Variants in GPC5 observed in about 807,000 individuals in gnomAD.
GPC5 encodes the protein glypican 5.
In GPC5, 47 loss-of-function variants were observed where a neutral mutation model predicts 53.9. The ratio of observed to expected loss-of-function variants is 0.87; its 90% CI spans 0.69 to 1.11. The LOEUF (loss-of-function observed/expected upper bound fraction) is 1.11. Among genes scored for constraint, GPC5 ranks in the 50% most tolerant of loss-of-function variants. The probability of loss-of-function intolerance (pLI) is 0.00; values close to 1 mark genes in which losing one functional copy is unlikely to be tolerated. For synonymous variants in GPC5, 286 were observed against 263.3 expected, an observed-to-expected ratio of 1.09 and a Z score of -0.84; for missense variants, 748 against 713.1, an observed-to-expected ratio of 1.05 and a Z score of -0.56.
At chr13:92,475,852 G>A (rs577548923) in intron 7 of GPC5, among the ~76,000 whole-genome samples, 1 of 148,558 alleles carries the variant, frequency 6.7e-6, no homozygotes, top group African/African-American at 2.4e-5. Flanking sequence ...GTAGAAAGCT[G>A]AAACTGGATC....
chr13:91,489,869 G>T (rs1255993826), intron 2 of GPC5, among the ~76,000 whole-genome samples: 1 of 152,130 alleles, frequency 6.6e-6, no homozygotes, highest in East Asian at 1.9e-4. Context: ...AAGCAAATTA[G>T]AAGCATAGAT....
At chr13:92,188,142 G>A (rs1288416254) in intron 7 of GPC5, among the ~76,000 whole-genome samples, 1 of 151,910 alleles carries the variant, frequency 6.6e-6, no homozygotes, top group Non-Finnish European at 1.5e-5. Context: ...AGAGAACAGG[G>A]CTCTTTAAAA....
At chr13:92,750,450 G>GA (rs922920703) in intron 7 of GPC5, among the ~76,000 whole-genome samples, 5 of 150,562 alleles carry the variant, frequency 3.3e-5, no homozygotes, top group East Asian at 1.9e-4. Context: ...AAGAGGAAAA[G>GA]AAAAAAAATG....
chr13:92,597,440 T>C lies in GPC5; in HGVS notation c.1562-268842T>C, dbSNP rs140369226. 3.7e-3 allele frequency among the ~76,000 whole-genome samples: 557 copies of C among 152,176 alleles called. 23 individuals are homozygous for C. Among genetic ancestry groups the C allele is most frequent in the Admixed American group, 0.035 (532 of 15,290 alleles). ...CCTTCGAAGAGACTGTAAAATTGCA[T>C]TTAAGTCTGACATCCTCCCAGCTAA... On this transcript the variant is annotated intron_variant, in intron 7 of 7. Transcript: ENST00000377067.
At chr13:91,842,320 T>G (rs2038796475) in intron 5 of GPC5, among the ~76,000 whole-genome samples, 1 of 151,288 alleles carries the variant, frequency 6.6e-6, no homozygotes, top group Non-Finnish European at 1.5e-5. Context: ...TGTCCTTAAA[T>G]GCTTAAAAAT....
intron 7 of GPC5, among the ~76,000 whole-genome samples, chr13:92,455,485 A>G (rs976642804): frequency 6.6e-6 from 1 of 152,186 alleles, no homozygotes; most frequent in African/African-American, 2.4e-5. Flanking sequence ...TGTGTTTTGT[A>G]AACAACTCTG....
chr13:92,587,816 G>A (rs1883585716), intron 7 of GPC5, among the ~76,000 whole-genome samples: 1 of 152,026 alleles, frequency 6.6e-6, no homozygotes, highest in Non-Finnish European at 1.5e-5. Context: ...ACCCTCCAGA[G>A]TGGTGTTACA....
chr13:91,791,256 T>C (rs1447856484), intron 5 of GPC5, among the ~76,000 whole-genome samples: 1 of 152,138 alleles, frequency 6.6e-6, no homozygotes, highest in Admixed American at 6.6e-5. Context: ...TGGGCTCATA[T>C]TGGGTGGTGC....
chr13:92,299,407 T>A lies in GPC5; in HGVS notation c.1561+154418T>A, dbSNP rs1368285779. Among the ~76,000 whole-genome samples the A allele has an allele frequency of 3.3e-5, 5 of 152,194 alleles. No homozygotes were observed. In the East Asian group the frequency reaches 9.6e-4, roughly 29 times the overall value. On this transcript the variant is annotated intron_variant, in intron 7 of 7. Coordinates refer to ENST00000377067, the MANE Select transcript of GPC5 (RefSeq NM_004466.6). ...GAAAGGTGAAACACTAGGGTCGTTA[T>A]CCAGACCTCCAAAAGAGAAGTGACT...
At chr13:92,566,938 A>C (rs549581030) in intron 7 of GPC5, among the ~76,000 whole-genome samples, 25 of 152,272 alleles carry the variant, frequency 1.6e-4, no homozygotes, top group African/African-American at 5.8e-4. Context: ...GGATGATTAT[A>C]ATAAATATTT....
chr13:91,971,638 T>C (rs1469886171), intron 6 of GPC5, among the ~76,000 whole-genome samples: 1 of 152,104 alleles, frequency 6.6e-6, no homozygotes, highest in Non-Finnish European at 1.5e-5. Context: ...CTGCTTTGAA[T>C]GTGTCCCAGA....
intron 2 of GPC5, among the ~76,000 whole-genome samples, chr13:91,555,632 C>A (rs554122751): frequency 2.6e-5 from 4 of 152,092 alleles, no homozygotes; most frequent in African/African-American, 9.6e-5. Context: ...CTGTATTAGT[C>A]TGTACTCATG....
intron 7 of GPC5, among the ~76,000 whole-genome samples, chr13:92,757,341 T>C (rs948517728): frequency 2.6e-5 from 4 of 152,152 alleles, no homozygotes; most frequent in African/African-American, 9.7e-5. Context: ...CAAGATGGAT[T>C]AAAGACTTAA....
intron 6 of GPC5, among the ~76,000 whole-genome samples, chr13:92,142,994 A>G (rs915892728): frequency 3.7e-4 from 57 of 152,200 alleles, no homozygotes; most frequent in Non-Finnish European, 7.6e-4. Context: ...ACTAGAATAT[A>G]TAATAGAATA....
chr13:91,597,322 C>T (rs1389475624), intron 2 of GPC5, among the ~76,000 whole-genome samples: 1 of 152,124 alleles, frequency 6.6e-6, no homozygotes, highest in Non-Finnish European at 1.5e-5. Flanking sequence ...AAAATTAATT[C>T]CCTCATTTGT....
At chr13:91,910,833 A>T (rs1416256672) in intron 6 of GPC5, among the ~76,000 whole-genome samples, 2 of 152,172 alleles carry the variant, frequency 1.3e-5, no homozygotes, top group Non-Finnish European at 2.9e-5. Flanking sequence ...AGCAGACACA[A>T]CCCTGCTCTC....
At chr13:91,572,734 AT>A (rs2031981894) in intron 2 of GPC5, among the ~76,000 whole-genome samples, 1 of 152,098 alleles carries the variant, frequency 6.6e-6, no homozygotes, top group Non-Finnish European at 1.5e-5. Context: ...TCAACATGAG[AT>A]TTGGAGTGGA....
intron 6 of GPC5, among the ~76,000 whole-genome samples, chr13:91,988,657 A>C (rs2040430173): frequency 6.6e-6 from 1 of 152,178 alleles, no homozygotes; most frequent in Admixed American, 6.5e-5. Context: ...CTGATTGGTC[A>C]CGATTTTAGC....
chr13:92,613,289 T>C (rs528693408), intron 7 of GPC5, among the ~76,000 whole-genome samples: 1 of 120,360 alleles, frequency 8.3e-6, no homozygotes, highest in East Asian at 2.2e-4. Context: ...ATATATATTT[T>C]ATATATAAAA....
Sources: gnomAD v4.1 joint callset for allele counts (sites outside exome capture counted in the v4.1 genomes callset) on GRCh38, gnomAD v4.1.1 for gene constraint, MANE v1.5 for transcripts, NCBI Gene and HGNC (gene_info 2026-07-23, HGNC 2026-07-21) for gene names.